Variants in HLCS observed in about 807,000 individuals in gnomAD.
HLCS encodes biotin--protein ligase.
Under a neutral mutation model 75.0 loss-of-function variants are expected in HLCS, and 53 were observed. The ratio of observed to expected loss-of-function variants is 0.71; its 90% CI spans 0.57 to 0.89. The LOEUF (loss-of-function observed/expected upper bound fraction) is 0.89, where lower values mean the gene tolerates loss of function less well. Ranked by LOEUF, HLCS falls within the 40% of genes least tolerant of loss-of-function variation. The pLI, the probability that HLCS is intolerant of heterozygous loss-of-function variation, is 0.00. For missense variants in HLCS, 966 were observed against 1,074.0 expected, an observed-to-expected ratio of 0.90 and a Z score of 1.41; for synonymous variants, 431 against 428.6, an observed-to-expected ratio of 1.01 and a Z score of -0.07.
intron 6 of HLCS, among the ~76,000 whole-genome samples, chr21:36,855,537 A>T (rs1261699207): frequency 3.0e-4 from 19 of 62,928 alleles, no homozygotes; most frequent in Admixed American, 9.6e-4. Context: ...GACTCCATCT[A>T]AAAAAAAAAA....
chr21:36,855,113 C>T (rs2063141837), intron 6 of HLCS, among the ~76,000 whole-genome samples: 1 of 152,056 alleles, frequency 6.6e-6, no homozygotes. Flanking sequence ...TCTATTTCAT[C>T]ACATCTTCTT....
chr21:36,869,097 AATTTATTTATTTATTTATTT>A (rs71198837), intron 6 of HLCS, among the ~76,000 whole-genome samples: 25 of 109,156 alleles, frequency 2.3e-4, no homozygotes, highest in East Asian at 1.1e-3. Flanking sequence ...AAAGATGTTT[AATTTATTTATTTATTTATTT>A]ATTTATTTAT....
intron 6 of HLCS, among the ~76,000 whole-genome samples, chr21:36,891,147 C>A (rs560865650): frequency 6.6e-6 from 1 of 152,312 alleles, no homozygotes; most frequent in Admixed American, 6.5e-5. Context: ...ACTTCTGTCC[C>A]TTGAAGAATG....
intron 1 of HLCS, among the ~76,000 whole-genome samples, chr21:36,986,025 GAATGTATTCCCCAAGTGCATGTGTTGGA>G (rs2069222099): frequency 6.6e-6 from 1 of 152,158 alleles, no homozygotes; most frequent in Admixed American, 6.5e-5. Flanking sequence ...GCTATGGTTT[GAATGTATTCCCCAAGTGCATGTGTTGGA>G]AATGTAATCC....
At chr21:36,796,317 A>G (rs1485694211) in intron 6 of HLCS, among the ~76,000 whole-genome samples, 2 of 152,362 alleles carry the variant, frequency 1.3e-5, no homozygotes, top group South Asian at 2.1e-4. Flanking sequence ...AACATAATAC[A>G]TAACATATGG....
At chr21:36,852,541 C>T (rs897309836) in intron 6 of HLCS, among the ~76,000 whole-genome samples, 4 of 152,170 alleles carry the variant, frequency 2.6e-5, no homozygotes, top group African/African-American at 9.7e-5. Context: ...GCCCCACTGA[C>T]AAGGGGCTCT....
In HLCS at chr21:36,842,294, G is replaced by T. The variant is rs959483654; in HGVS notation, c.1892+54566C>A. Among the ~76,000 whole-genome samples the T allele has an allele frequency of 6.6e-6, 1 of 152,190 alleles. No homozygotes were observed. Among genetic ancestry groups the T allele is most frequent in the Non-Finnish European group, 1.5e-5 (1 of 68,038 alleles). ...CAGTGTTCCCCAAAGGGAGGATGCA[G>T]ATGGGAAGGGACCTGAAGGTGCCTC... On this transcript the variant is annotated intron_variant, in intron 6 of 10. Transcript: ENST00000674895. This position sits in a 1 kb window ranked among gnomAD's most constrained non-coding sequence, Gnocchi z 4.2.
intron 6 of HLCS, among the ~76,000 whole-genome samples, chr21:36,799,475 A>T (rs1212619244): frequency 6.6e-6 from 1 of 152,242 alleles, no homozygotes; most frequent in Non-Finnish European, 1.5e-5. Flanking sequence ...GTTGAACTAC[A>T]GTTTATTTAT....
rs745352293 is a variant in HLCS at position 36,765,118 on chromosome 21, A to G, written c.2015T>C (p.Leu672Pro). 9 of 1,614,102 alleles carry G rather than the reference A, an allele frequency of 5.6e-6. No individual in the cohort carries two copies. The highest frequency in any genetic ancestry group is 7.6e-6 in the Non-Finnish European group (9 of 1,179,946). ...SPVGCALSTLLISIPLRSQLG... is the reference protein window; with the variant it reads ...SPVGCALSTLPISIPLRSQLG... ...CTGGGATCTCAGTGGAATGGAGATG[A>G]GCAGAGTAGAAAGAGCACATCCCAC... The change falls in exon 8 of 11, where the codon CTC becomes CCC. Residue 672 changes from leucine to proline, a missense_variant. Coordinates refer to ENST00000674895, the MANE Select transcript of HLCS (RefSeq NM_001352514.2).
intron 6 of HLCS, among the ~76,000 whole-genome samples, chr21:36,777,297 C>A (rs970983799): frequency 6.6e-6 from 1 of 152,242 alleles, no homozygotes; most frequent in African/African-American, 2.4e-5. Context: ...TATTTTTACT[C>A]TCTCTATAGT....
intron 5 of HLCS, among the ~76,000 whole-genome samples, chr21:36,899,985 A>G (rs2065169624): frequency 6.6e-6 from 1 of 151,968 alleles, no homozygotes; most frequent in Admixed American, 6.6e-5. Context: ...GGTGCCTGTA[A>G]TCCCGGCTAC....
At chr21:36,830,646 C>A (rs1048626840) in intron 6 of HLCS, among the ~76,000 whole-genome samples, 2 of 151,718 alleles carry the variant, frequency 1.3e-5, no homozygotes, top group Non-Finnish European at 2.9e-5. Context: ...CCAGCCTGGG[C>A]AACATGATGA....
intron 5 of HLCS, among the ~76,000 whole-genome samples, chr21:36,921,072 T>A (rs1164674259): frequency 6.6e-6 from 1 of 152,248 alleles, no homozygotes; most frequent in Non-Finnish European, 1.5e-5. Flanking sequence ...GTAGGATTCA[T>A]TTTTGTTCAG....
chr21:36,759,721 AC>A lies in HLCS; in HGVS notation c.2236+5del, dbSNP rs1305142462. 2 of 1,534,544 alleles carry A rather than the reference AC, an allele frequency of 1.3e-6. No individual in the cohort carries two copies. The highest frequency in any genetic ancestry group is 1.4e-5 in the African/African-American group (1 of 73,376). On this transcript the variant is annotated splice_donor_5th_base_variant and intron_variant, in intron 9 of 10. Coordinates refer to ENST00000674895, the MANE Select transcript of HLCS (RefSeq NM_001352514.2). ...AAATGCTGGGGGAAAGGTTTTTGAA[AC>A]TTACCAATAAGTATATAAAATGTTT... is the stretch of plus-strand genomic sequence containing the variant.
chr21:36,875,392 T>C (rs1601592768), intron 6 of HLCS, among the ~76,000 whole-genome samples: 2 of 152,164 alleles, frequency 1.3e-5, no homozygotes, highest in South Asian at 2.1e-4. Flanking sequence ...ACTTCCTCCA[T>C]TGTGACAACA....
At chr21:36,904,885 A>G (rs750333390) in intron 5 of HLCS, among the ~76,000 whole-genome samples, 2 of 152,208 alleles carry the variant, frequency 1.3e-5, no homozygotes, top group Non-Finnish European at 2.9e-5. Context: ...AATGTTACTG[A>G]AGAAAAAAGG....
rs114798710 is a variant in HLCS, at chr21:36,920,135, C to T, written c.1620+10116G>A. Among the ~76,000 whole-genome samples the T allele has an allele frequency of 9.4e-3, 1,423 of 152,030 alleles. 14 individuals are homozygous for T. The highest frequency in any genetic ancestry group is 0.029 in the African/African-American group (1,198 of 41,500). On this transcript the variant is annotated intron_variant, in intron 5 of 10. Coordinates refer to ENST00000674895, the MANE Select transcript of HLCS (RefSeq NM_001352514.2). ...ATTGTCTGAGCCCAGAAATTTGAGA[C>T]CAGTTTGGGCAAAAAGTAAGACTCC...
intron 1 of HLCS, among the ~76,000 whole-genome samples, chr21:36,984,578 T>C (rs967472323): frequency 1.3e-5 from 2 of 152,214 alleles, no homozygotes; most frequent in Non-Finnish European, 2.9e-5. Flanking sequence ...TCATGAATTA[T>C]GTTCTCACTT....
chr21:36,784,659 G>C (rs1168315784), intron 6 of HLCS, among the ~76,000 whole-genome samples: 2 of 152,068 alleles, frequency 1.3e-5, no homozygotes, highest in Non-Finnish European at 2.9e-5. Flanking sequence ...AACAGTCCTG[G>C]AGGCTATAAG....
Sources: gnomAD v4.1 joint callset for allele counts (sites outside exome capture counted in the v4.1 genomes callset) on GRCh38, gnomAD v4.1.1 for gene constraint, Gnocchi (gnomAD v3.1) non-coding constraint, MANE v1.5 for transcripts, NCBI Gene and HGNC (gene_info 2026-07-23, HGNC 2026-07-21) for gene names.